Variants in RANBP17 observed in about 807,000 individuals in gnomAD.
RANBP17 encodes the protein ran-binding protein 17.
Under a neutral mutation model 141.2 loss-of-function variants are expected in RANBP17, and 158 were observed. That is an observed-to-expected ratio of 1.12 (90% confidence interval 0.98 to 1.28). The LOEUF (loss-of-function observed/expected upper bound fraction) is 1.28. Ranked by LOEUF, RANBP17 falls within the 50% of genes most tolerant of loss-of-function variation. RANBP17 has a pLI of 0.00. For synonymous variants in RANBP17, 430 were observed against 450.0 expected (o/e 0.96, Z 0.56); for missense variants, 1,438 against 1,290.7 (o/e 1.11, Z -1.75).
At position 170,965,021 on chromosome 5, in the gene RANBP17, G is replaced by A. The variant is rs913540746; in HGVS notation, c.1575-3221G>A. Among the ~76,000 whole-genome samples, 14 of 152,290 alleles carry A rather than the reference G, an allele frequency of 9.2e-5. No homozygotes were observed. The East Asian group carries it at 1.7e-3, about 19-fold the overall frequency. ...TAGTTTACAGTCCCACCAACTGTGT[G>A]AAAGTGTTCCTATTTCTCCACATCC... On this transcript the variant is annotated intron_variant, in intron 13 of 27. Coordinates refer to ENST00000523189, the MANE Select transcript of RANBP17 (RefSeq NM_022897.5).
intron 24 of RANBP17, among the ~76,000 whole-genome samples, chr5:171,244,825 A>C (rs1331242587): frequency 1.3e-5 from 2 of 151,988 alleles, no homozygotes; most frequent in Non-Finnish European, 2.9e-5. Flanking sequence ...CATTGATCAT[A>C]TGTATAAGAT....
At chr5:170,935,221 G>A (rs985420542) in intron 12 of RANBP17, among the ~76,000 whole-genome samples, 1 of 152,108 alleles carries the variant, frequency 6.6e-6, no homozygotes, top group Admixed American at 6.6e-5. Flanking sequence ...TTTTGCAAGG[G>A]TTTAGCTTCT....
chr5:170,887,197 G>C (rs2127372735), intron 3 of RANBP17, among the ~76,000 whole-genome samples: 1 of 152,226 alleles, frequency 6.6e-6, no homozygotes, highest in South Asian at 2.1e-4. Flanking sequence ...CGGTTCCTTT[G>C]ATATGTCTTG....
chr5:171,158,725 A>G (rs1759081025), intron 14 of RANBP17, among the ~76,000 whole-genome samples: 1 of 150,878 alleles, frequency 6.6e-6, no homozygotes, highest in Admixed American at 6.6e-5. Context: ...CACTTTTCTG[A>G]CTCATTAGAA....
intron 3 of RANBP17, among the ~76,000 whole-genome samples, chr5:170,886,512 T>A (rs80001217): frequency 0.029 from 4,453 of 152,278 alleles, 220 homozygotes; most frequent in African/African-American, 0.099. Context: ...AGCGTGTGTG[T>A]AAGTTTTGAT....
At chr5:171,160,663 T>C (rs905452896) in intron 14 of RANBP17, among the ~76,000 whole-genome samples, 9 of 152,236 alleles carry the variant, frequency 5.9e-5, no homozygotes, top group Middle Eastern at 3.2e-3. Context: ...TGTGATATTA[T>C]ACTTTGTAAC....
chr5:171,108,552 A>G (rs1755007034), intron 14 of RANBP17, among the ~76,000 whole-genome samples: 1 of 152,056 alleles, frequency 6.6e-6, no homozygotes, highest in South Asian at 2.1e-4. Flanking sequence ...AGCTGGGACC[A>G]CAGCCGTGCA....
chr5:171,096,428 TGA>T (rs555655336), intron 14 of RANBP17, among the ~76,000 whole-genome samples: 8 of 152,252 alleles, frequency 5.3e-5, no homozygotes, highest in Admixed American at 3.9e-4. Flanking sequence ...AGAAGTGAAG[TGA>T]GAGGAAATCC....
At chr5:171,048,618 C>T (rs1782748889) in intron 14 of RANBP17, among the ~76,000 whole-genome samples, 1 of 151,990 alleles carries the variant, frequency 6.6e-6, no homozygotes, top group Admixed American at 6.6e-5. Context: ...TCTTTCAGTC[C>T]TCTCCTTTCT....
rs75222009 is a variant in RANBP17, at chr5:170,864,812, T to C, written c.18+2761T>C. Among the ~76,000 whole-genome samples, 1,135 of 152,302 alleles carry C rather than the reference T, an allele frequency of 7.5e-3. 13 individuals are homozygous for C. The highest frequency in any genetic ancestry group is 0.026 in the African/African-American group (1,075 of 41,552). On this transcript the variant is annotated intron_variant, in intron 1 of 27. Transcript: ENST00000523189. ...TGATCTAGATGTGATTGAGAACTATTATTTTTAAATGCAATTATAACATGA... is the reference window on the plus strand; with the variant it reads ...TGATCTAGATGTGATTGAGAACTATCATTTTTAAATGCAATTATAACATGA...
chr5:171,017,875 T>G (rs1780561914), intron 14 of RANBP17, among the ~76,000 whole-genome samples: 1 of 152,200 alleles, frequency 6.6e-6, no homozygotes, highest in African/African-American at 2.4e-5. Flanking sequence ...TCTAGGGGTT[T>G]TATGGTTCTG....
chr5:170,928,897 C>T (rs1773130871), intron 12 of RANBP17, among the ~76,000 whole-genome samples: 1 of 151,818 alleles, frequency 6.6e-6, no homozygotes, highest in Non-Finnish European at 1.5e-5. Flanking sequence ...TCAATCTATA[C>T]ATCAGTTTGG....
chr5:171,029,013 T>C, intron 14 of RANBP17: 2 of 1,070,468 alleles, frequency 1.9e-6, no homozygotes, highest in South Asian at 1.6e-5. Flanking sequence ...AGTCTATATG[T>C]TAAGCCAGTT....
At chr5:171,244,023 G>C (rs762047105) in intron 24 of RANBP17, among the ~76,000 whole-genome samples, 10 of 152,100 alleles carry the variant, frequency 6.6e-5, no homozygotes, top group African/African-American at 9.7e-5. Context: ...AGGAGGCAGA[G>C]GTTGCAGTGA....
At chr5:171,283,792 C>T (rs1193520020) in intron 25 of RANBP17, among the ~76,000 whole-genome samples, 1 of 152,028 alleles carries the variant, frequency 6.6e-6, no homozygotes, top group Middle Eastern at 3.2e-3. Flanking sequence ...CTAACTGAGG[C>T]CATTCAAAAG....
intron 5 of RANBP17, chr5:170,903,793 A>G: frequency 2.9e-6 from 1 of 350,074 alleles, no homozygotes; most frequent in African/African-American, 2.2e-5. Context: ...TTTAAAAAGC[A>G]GAATAAGCCC....
intron 3 of RANBP17, among the ~76,000 whole-genome samples, chr5:170,885,512 A>G (rs1331721227): frequency 3.3e-5 from 5 of 152,172 alleles, no homozygotes; most frequent in Non-Finnish European, 7.3e-5. Context: ...AACTCCTTGG[A>G]AAGCCTCTTA....
chr5:171,213,221 A>C (rs1222000542), intron 20 of RANBP17, among the ~76,000 whole-genome samples: 1 of 152,200 alleles, frequency 6.6e-6, no homozygotes, highest in Non-Finnish European at 1.5e-5. Flanking sequence ...TCTAAGTAGT[A>C]TAGTACCCAA....
intron 21 of RANBP17, among the ~76,000 whole-genome samples, chr5:171,216,982 T>C (rs376368558): frequency 1.3e-5 from 2 of 152,236 alleles, no homozygotes; most frequent in African/African-American, 4.8e-5. Context: ...CATCGTTGTC[T>C]TGTGCTGGTT....
Sources: gnomAD v4.1 joint callset for allele counts (sites outside exome capture counted in the v4.1 genomes callset) on GRCh38, gnomAD v4.1.1 for gene constraint, MANE v1.5 for transcripts, NCBI Gene and HGNC (gene_info 2026-07-23, HGNC 2026-07-21) for gene names.